The following SCLY variants were observed in gnomAD, a reference collection of about 807,000 sequenced individuals.
The protein encoded by SCLY is selenocysteine lyase, also known as putative selenocysteine lyase.
SCLY carries 38 observed loss-of-function variants against 50.1 expected under a neutral mutation model. That is an observed-to-expected ratio of 0.76 (90% CI 0.59 to 0.99). SCLY has a LOEUF of 0.99. Among genes scored for constraint, SCLY ranks in the 50% least tolerant of loss-of-function variants. SCLY has a pLI of 0.00. For synonymous variants in SCLY, 243 were observed against 249.4 expected, an observed-to-expected ratio of 0.97 and a Z score of 0.24; for missense variants, 600 against 620.0, an observed-to-expected ratio of 0.97 and a Z score of 0.34.
intron 4 of SCLY, chr2:238,081,450 C>T (rs1011539032): frequency 1.2e-5 from 5 of 423,798 alleles, no homozygotes; most frequent in South Asian, 6.0e-5. Context: ...CTTCCGTCTC[C>T]GTAGAAGCAG....
intron 4 of SCLY, among the ~76,000 whole-genome samples, chr2:238,074,890 G>A (rs915047078): frequency 1.3e-5 from 2 of 152,154 alleles, no homozygotes; most frequent in African/African-American, 4.8e-5. Context: ...TGTCCAACTT[G>A]TATTTCTTTA....
In SCLY at chr2:238,079,032, T is replaced by G. The variant is rs184291847; in HGVS notation, c.485-2677T>G. On this transcript the variant is annotated intron_variant, in intron 4 of 11. Transcript: ENST00000254663. ...AGTTAATTTCCTGTCTTTTCTTTCT[T>G]TCCTTCCTTCCTTCTTTCTTTCTTT... 125 of 151,280 alleles carry G rather than the reference T, an allele frequency of 8.3e-4. 1 individual carries two copies. Among genetic ancestry groups the G allele is most frequent in the African/African-American group, 2.8e-3 (117 of 41,252 alleles). The allele number at this position is 151,280 out of a possible 1,614,324, so 9.4% of individuals were successfully genotyped here.
At position 238,068,100 on chromosome 2, in the gene SCLY, G is replaced by C. The variant is rs1488217431; in HGVS notation, c.238G>C (p.Glu80Gln). The change falls in exon 3 of 12, where the codon GAA (glutamate) becomes CAA (glutamine). Residue 80 changes from glutamate (E) to glutamine (Q), a missense_variant. Physicochemically the swap from Glu to Gln is conservative, Grantham distance 29. Transcript: ENST00000254663. ...KAKDIINAAR[E>Q]SLAKMIGGKP... The stretch of plus-strand genomic sequence containing the variant: ...CAAGGATATTATAAATGCAGCTCGG[G>C]AAAGCCTCGCGAAGATGATAGGGGG... 1 of 1,612,690 alleles carries C rather than the reference G, an allele frequency of 6.2e-7. No individual in the cohort carries two copies. Among genetic ancestry groups the C allele is most frequent in the East Asian group, 2.2e-5 (1 of 44,814 alleles).
chr2:238,082,120 G>C lies in SCLY; in HGVS notation c.688G>C (p.Val230Leu). The C allele has an allele frequency of 6.2e-7, 1 of 1,613,348 alleles. No individual in the cohort carries two copies. The highest frequency in any genetic ancestry group is 8.5e-7 in the Non-Finnish European group (1 of 1,180,018). ...RVAAGLPPILVHTDAAQALGK... is the reference protein window; with the variant it reads ...RVAAGLPPILLHTDAAQALGK... ...GGCAGCTGGGCTACCTCCCATCCTC[G>C]TGCACACGGATGCTGCACAGGCCTT... The change falls in exon 6 of 12, where the codon GTG (valine) becomes CTG (leucine). Residue 230 changes from valine (V) to leucine (L), a missense_variant. By Grantham distance (32) the Val-to-Leu change is conservative. Coordinates refer to ENST00000254663, the MANE Select transcript of SCLY (RefSeq NM_016510.7).
At chr2:238,075,216 AT>A (rs1276712531) in intron 4 of SCLY, among the ~76,000 whole-genome samples, 1 of 152,034 alleles carries the variant, frequency 6.6e-6, no homozygotes, top group Non-Finnish European at 1.5e-5. Flanking sequence ...GTAATGTTGT[AT>A]TACCTTAACT....
intron 7 of SCLY, among the ~76,000 whole-genome samples, chr2:238,088,225 G>A (rs2065321374): frequency 1.3e-5 from 2 of 152,214 alleles, no homozygotes; most frequent in Non-Finnish European, 2.9e-5. Flanking sequence ...ACTTTGGGAG[G>A]CCAAGGCGGG....
chr2:238,091,528 A>ACC, intron 8 of SCLY: 4 of 466,944 alleles, frequency 8.6e-6, no homozygotes, highest in Admixed American at 3.4e-5. Flanking sequence ...AGCAGAGGTG[A>ACC]AGTGTCAAGC....
chr2:238,097,687 C>T (rs1167262806), intron 11 of SCLY, among the ~76,000 whole-genome samples: 1 of 152,066 alleles, frequency 6.6e-6, no homozygotes, highest in African/African-American at 2.4e-5. Flanking sequence ...GTGATGAGGT[C>T]AGGCCCCTTG....
Position 238,098,616 on chromosome 2 carries a change from C to CATGGGACCGCCCAT in SCLY, c.*274_*275insTATGGGACCGCCCA. On this transcript the variant is annotated 3_prime_UTR_variant, in exon 12 of 12. Transcript: ENST00000254663. ...AGGACCGCCCACATAGGACCGCCCACATGGGACCGCCCACATGGGACCGCC... is the reference window on the plus strand; with the variant it reads ...AGGACCGCCCACATAGGACCGCCCACATGGGACCGCCCATATGGGACCGCCCACATGGGACCGCC... 1 of 414,056 alleles carries CATGGGACCGCCCAT rather than the reference C, an allele frequency of 2.4e-6. No individual in the cohort carries two copies. The highest frequency in any genetic ancestry group is 3.5e-5 in the East Asian group (1 of 28,554). The allele number at this position is 414,056 out of a possible 1,614,324, so 25.6% of individuals were successfully genotyped here.
At chr2:238,077,756 C>G (rs2065188038) in intron 4 of SCLY, among the ~76,000 whole-genome samples, 1 of 152,200 alleles carries the variant, frequency 6.6e-6, no homozygotes, top group Non-Finnish European at 1.5e-5. Context: ...CTGAATGTAT[C>G]TGACCCTTGC....
At chr2:238,061,832 T>TA (rs1559239783) in intron 1 of SCLY, among the ~76,000 whole-genome samples, 2 of 152,174 alleles carry the variant, frequency 1.3e-5, no homozygotes, top group Non-Finnish European at 2.9e-5. Context: ...GTGGTATCCA[T>TA]ACTAGTTAAG....
At position 238,082,119 on chromosome 2, in the gene SCLY, C is replaced by T. The variant is rs150339508; in HGVS notation, c.687C>T (p.Leu229=). 304 of 1,613,344 alleles carry T rather than the reference C, an allele frequency of 1.9e-4. No individual in the cohort carries two copies. The highest frequency in any genetic ancestry group is 2.3e-4 in the Non-Finnish European group (272 of 1,179,966). The stretch of plus-strand genomic sequence containing the variant: ...TGGCAGCTGGGCTACCTCCCATCCT[C>T]GTGCACACGGATGCTGCACAGGCCT... The part of the protein sequence containing the change: ...ERVAAGLPPI[L]VHTDAAQALG... The change falls in exon 6 of 12, where the codon CTC becomes CTT. Residue 229 remains leucine (L), a synonymous_variant. Transcript: ENST00000254663.
chr2:238,064,601 A>AT, intron 2 of SCLY, 132 bp downstream of exon 2: 1 of 522,350 alleles, frequency 1.9e-6, no homozygotes, highest in East Asian at 3.5e-5. Context: ...TTGAGCTGTA[A>AT]TTTTTGATAG....
chr2:238,061,138 G>A lies in SCLY; in HGVS notation c.84G>A (p.Pro28=), dbSNP rs936793934. 8 of 1,483,648 alleles carry A rather than the reference G, an allele frequency of 5.4e-6. No homozygotes were observed. Among genetic ancestry groups the A allele is most frequent in the Middle Eastern group, 3.8e-4 (2 of 5,322 alleles). The allele number at this position is 1,483,648 out of a possible 1,614,324, so 91.9% of individuals were successfully genotyped here. ...QPSGCGKHNS[P]ERKVYMDYNA... ...GCGGCTGCGGGAAACACAACTCGCCGGAGAGGTGCGCGCCTTTAGGGCAGG... is the reference window on the plus strand; with the variant it reads ...GCGGCTGCGGGAAACACAACTCGCCAGAGAGGTGCGCGCCTTTAGGGCAGG... Residue 28 remains proline (P), a synonymous_variant, in exon 1 of 12, where the codon CCG becomes CCA. Coordinates refer to ENST00000254663, the MANE Select transcript of SCLY (RefSeq NM_016510.7).
rs1435465386 is a variant in SCLY, at chr2:238,099,255, G to A, written c.*900G>A. On this transcript the variant is annotated 3_prime_UTR_variant, in exon 12 of 12. Transcript: ENST00000254663. The stretch of plus-strand genomic sequence containing the variant: ...AGGATTCTTTTCTCAAAATGCTCTG[G>A]CATTTGGACACACATCACATGTCGA... 6.4e-6 allele frequency: 3 copies of A among 471,372 alleles called. No individual in the cohort carries two copies. The highest frequency in any genetic ancestry group is 6.0e-5 in the African/African-American group (3 of 50,052). The allele number at this position is 471,372 out of a possible 1,614,324, so 29.2% of individuals were successfully genotyped here. A position where few individuals can be genotyped will look rare whatever the true frequency, so the allele number is the denominator to read the frequency against.
chr2:238,070,729 G>A (rs185524047), intron 4 of SCLY, among the ~76,000 whole-genome samples: 42 of 152,086 alleles, frequency 2.8e-4, no homozygotes, highest in Non-Finnish European at 4.7e-4. Flanking sequence ...ATGCTTGCCC[G>A]TAGGTAAACA....
At position 238,093,861 on chromosome 2, in the gene SCLY, G is replaced by A. The variant is rs761530214; in HGVS notation, c.922G>A (p.Ala308Thr). ...NTPMIAGLGKAAELVTQNCEA... is the reference protein window; with the variant it reads ...NTPMIAGLGKTAELVTQNCEA... ...CCACTTGTTGTGTGTCTGCCCCCAG[G>A]CCGCGGAGCTGGTGACCCAGAACTG... is the stretch of plus-strand genomic sequence containing the variant. Residue 308 changes from alanine (A) to threonine (T), a missense_variant and splice_region_variant, in exon 9 of 12, where the codon GCC (alanine) becomes ACC (threonine). By Grantham distance (58) the Ala-to-Thr change is moderately conservative. Coordinates refer to ENST00000254663, the MANE Select transcript of SCLY (RefSeq NM_016510.7). 4 of 1,613,442 alleles carry A rather than the reference G, an allele frequency of 2.5e-6. No homozygotes were observed. Among genetic ancestry groups the A allele is most frequent in the African/African-American group, 2.7e-5 (2 of 74,938 alleles).
In SCLY at chr2:238,068,098, G is replaced by T; in HGVS notation, c.236G>T (p.Arg79Leu). Residue 79 changes from arginine (R) to leucine (L), a missense_variant, in exon 3 of 12, where the codon CGG becomes CTG. Coordinates refer to ENST00000254663, the MANE Select transcript of SCLY (RefSeq NM_016510.7). ...RKAKDIINAA[R>L]ESLAKMIGGK... ...GCCAAGGATATTATAAATGCAGCTC[G>T]GGAAAGCCTCGCGAAGATGATAGGG... 1 of 1,612,634 alleles carries T rather than the reference G, an allele frequency of 6.2e-7. No homozygotes were observed. Among genetic ancestry groups the T allele is most frequent in the Non-Finnish European group, 8.5e-7 (1 of 1,179,500 alleles).
chr2:238,086,708 TAAAAA>T (rs386393003), intron 7 of SCLY, among the ~76,000 whole-genome samples: 4 of 97,710 alleles, frequency 4.1e-5, no homozygotes, highest in Non-Finnish European at 7.4e-5. Flanking sequence ...CCTGTCTCTT[TAAAAA>T]AAAAAAAAAA....
Sources: gnomAD v4.1 joint callset for allele counts (sites outside exome capture counted in the v4.1 genomes callset) on GRCh38, gnomAD v4.1.1 for gene constraint, MANE v1.5 for transcripts, NCBI Gene and HGNC (gene_info 2026-07-23, HGNC 2026-07-21) for gene names.